The following EPHA5 variants were observed in gnomAD, a reference collection of about 807,000 sequenced individuals.
EPHA5 encodes EPH receptor A5, also known as ephrin type-A receptor 5.
A neutral mutation model predicts 105.0 loss-of-function variants in EPHA5; 60 were observed. The ratio of observed to expected loss-of-function variants is 0.57; its 90% CI spans 0.46 to 0.71. The LOEUF (loss-of-function observed/expected upper bound fraction) is 0.71. EPHA5 is among the 30% of genes least tolerant of loss of function. The pLI, the probability that EPHA5 is intolerant of heterozygous loss-of-function variation, is 0.00. For synonymous variants in EPHA5, 513 were observed against 449.1 expected, an observed-to-expected ratio of 1.14 and a Z score of -1.80; for missense variants, 1,218 against 1,274.7, an observed-to-expected ratio of 0.96 and a Z score of 0.68.
intron 3 of EPHA5, among the ~76,000 whole-genome samples, chr4:65,574,685 TATAC>T (rs530730383): frequency 6.2e-4 from 43 of 69,024 alleles, no homozygotes; most frequent in Admixed American, 9.7e-4. Flanking sequence ...TATACATATA[TATAC>T]ATATATATAC....
intron 11 of EPHA5, among the ~76,000 whole-genome samples, chr4:65,359,620 T>A (rs1043742686): frequency 6.6e-6 from 1 of 151,566 alleles, no homozygotes; most frequent in African/African-American, 2.4e-5. Flanking sequence ...TTTCTCATAC[T>A]TCACATCCAA....
intron 5 of EPHA5, among the ~76,000 whole-genome samples, chr4:65,446,926 T>G (rs1726591566): frequency 6.6e-6 from 1 of 151,592 alleles, no homozygotes; most frequent in Admixed American, 6.6e-5. Flanking sequence ...TTATATTCAA[T>G]AGTTAGAATT....
chr4:65,514,997 A>G (rs1733966949), intron 3 of EPHA5, among the ~76,000 whole-genome samples: 2 of 152,112 alleles, frequency 1.3e-5, no homozygotes, highest in African/African-American at 2.4e-5. Context: ...AATAGCTGCA[A>G]ACTCCACAAT....
intron 5 of EPHA5, among the ~76,000 whole-genome samples, chr4:65,482,898 A>C (rs1730516689): frequency 6.7e-6 from 1 of 149,838 alleles, no homozygotes; most frequent in Non-Finnish European, 1.5e-5. Flanking sequence ...TCTAGGGTAC[A>C]TGTGCACAAC....
intron 11 of EPHA5, among the ~76,000 whole-genome samples, chr4:65,359,565 G>A (rs1039538692): frequency 6.6e-6 from 1 of 151,318 alleles, no homozygotes; most frequent in Non-Finnish European, 1.5e-5. Flanking sequence ...CTTTTTTGGA[G>A]GTACTCAAGA....
chr4:65,629,975 C>G (rs1024427061), intron 2 of EPHA5, among the ~76,000 whole-genome samples: 1 of 152,050 alleles, frequency 6.6e-6, no homozygotes, highest in Non-Finnish European at 1.5e-5. Flanking sequence ...ATCTGGTCTG[C>G]AGAGAAGAAT....
chr4:65,662,945 C>T (rs1032229930), intron 1 of EPHA5, among the ~76,000 whole-genome samples: 3 of 152,052 alleles, frequency 2.0e-5, no homozygotes, highest in South Asian at 2.1e-4. Flanking sequence ...AAGGCATGAA[C>T]ATTTTATCAC....
chr4:65,484,193 T>C (rs1037444732), intron 5 of EPHA5, among the ~76,000 whole-genome samples: 6 of 152,116 alleles, frequency 3.9e-5, no homozygotes, highest in Non-Finnish European at 7.4e-5. Flanking sequence ...AACAAGTATT[T>C]GCCGCTTTTT....
chr4:65,604,461 T>C (rs542792646), intron 2 of EPHA5, among the ~76,000 whole-genome samples: 10 of 152,296 alleles, frequency 6.6e-5, no homozygotes, highest in African/African-American at 1.9e-4. Context: ...ACCCAAAACA[T>C]AAATGATGGC....
intron 3 of EPHA5, among the ~76,000 whole-genome samples, chr4:65,574,963 T>G (rs372318238): frequency 2.6e-5 from 4 of 151,770 alleles, no homozygotes; most frequent in Non-Finnish European, 4.4e-5. Flanking sequence ...CAAGGTTTCC[T>G]TTCTAGTGAT....
chr4:65,388,495 T>TTAATGATTG (rs1720362881), intron 8 of EPHA5, among the ~76,000 whole-genome samples: 1 of 151,176 alleles, frequency 6.6e-6, no homozygotes, highest in African/African-American at 2.4e-5. Flanking sequence ...TCCTGACTTT[T>TTAATGATTG]TAATGATTGC....
At chr4:65,380,968 T>A (rs1272850668) in intron 8 of EPHA5, among the ~76,000 whole-genome samples, 1 of 151,700 alleles carries the variant, frequency 6.6e-6, no homozygotes, top group Non-Finnish European at 1.5e-5. Context: ...ATGCATAGCT[T>A]TGGATAATCT....
intron 3 of EPHA5, among the ~76,000 whole-genome samples, chr4:65,513,028 G>A (rs1029405942): frequency 6.6e-6 from 1 of 152,176 alleles, no homozygotes; most frequent in Non-Finnish European, 1.5e-5. Context: ...CTCTGAGCCT[G>A]TAGAGAAAGA....
intron 8 of EPHA5, among the ~76,000 whole-genome samples, chr4:65,395,769 A>C (rs1185273767): frequency 6.6e-6 from 1 of 152,250 alleles, no homozygotes; most frequent in African/African-American, 2.4e-5. Flanking sequence ...AACTTTTAAC[A>C]GGCATTAAGC....
intron 6 of EPHA5, among the ~76,000 whole-genome samples, chr4:65,417,156 C>A (rs981876184): frequency 6.6e-6 from 1 of 152,178 alleles, no homozygotes; most frequent in Non-Finnish European, 1.5e-5. Context: ...TGGCAATGAG[C>A]CCATCATCAC....
chr4:65,388,143 G>A (rs1303595291), intron 8 of EPHA5, among the ~76,000 whole-genome samples: 1 of 150,298 alleles, frequency 6.7e-6, no homozygotes, highest in Non-Finnish European at 1.5e-5. Flanking sequence ...CAAAGGACAT[G>A]AACTCATCAT....
rs931420335 is a variant in EPHA5, at chr4:65,333,578, T to C, written c.2790-1450A>G. On this transcript the variant is annotated intron_variant, in intron 15 of 16. Coordinates refer to ENST00000613740, the MANE Select transcript of EPHA5 (RefSeq NM_001281766.3). Reference sequence around the variant, plus strand: ...GTGTGTGTGTGTGTGTGTGTGTGTGTGCTGGATTCCCCTCAATCTCCTTTG... The same window carrying C: ...GTGTGTGTGTGTGTGTGTGTGTGTGCGCTGGATTCCCCTCAATCTCCTTTG... Among the ~76,000 whole-genome samples the C allele has an allele frequency of 3.2e-4, 42 of 129,310 alleles. No individual in the cohort carries two copies. In the South Asian group the frequency reaches 9.4e-3, roughly 29 times the overall value. The allele number at this position is 129,310 out of a possible 152,430, so 84.8% of individuals were successfully genotyped here.
At chr4:65,409,184 C>T (rs1226611301) in intron 7 of EPHA5, among the ~76,000 whole-genome samples, 1 of 86,876 alleles carries the variant, frequency 1.2e-5, no homozygotes, top group Admixed American at 1.8e-4. Flanking sequence ...ACTCTAGGGA[C>T]TGTTGTGGGG....
intron 5 of EPHA5, among the ~76,000 whole-genome samples, chr4:65,480,005 T>C (rs973019434): frequency 6.6e-6 from 1 of 151,832 alleles, no homozygotes; most frequent in Admixed American, 6.6e-5. Context: ...TGGTTCAAGA[T>C]GGAAATGTGC....
Sources: gnomAD v4.1 joint callset for allele counts (sites outside exome capture counted in the v4.1 genomes callset) on GRCh38, gnomAD v4.1.1 for gene constraint, MANE v1.5 for transcripts, NCBI Gene and HGNC (gene_info 2026-07-23, HGNC 2026-07-21) for gene names.